The following PRKAR2B variants were observed in gnomAD, a reference collection of about 807,000 sequenced individuals.
PRKAR2B encodes the protein cAMP-dependent protein kinase type II-beta regulatory subunit.
Under a neutral mutation model 49.9 loss-of-function variants are expected in PRKAR2B, and 14 were observed. That is an observed-to-expected ratio of 0.28 (90% CI 0.19 to 0.44). The LOEUF is 0.44. Ranked by LOEUF, PRKAR2B falls within the 20% of genes least tolerant of loss-of-function variation. The pLI is 1.00. For synonymous variants in PRKAR2B, 196 were observed against 197.7 expected, an observed-to-expected ratio of 0.99 and a Z score of 0.07; for missense variants, 393 against 537.9, an observed-to-expected ratio of 0.73 and a Z score of 2.67.
intron 2 of PRKAR2B, among the ~76,000 whole-genome samples, chr7:107,085,160 T>C (rs1308108320): frequency 6.6e-6 from 1 of 152,058 alleles, no homozygotes; most frequent in Non-Finnish European, 1.5e-5. Flanking sequence ...TAAGCAATAA[T>C]GTTAGATGCT....
At chr7:107,093,087 T>C (rs1365127921) in intron 2 of PRKAR2B, among the ~76,000 whole-genome samples, 1 of 152,238 alleles carries the variant, frequency 6.6e-6, no homozygotes, top group Admixed American at 6.5e-5. Context: ...TTTTCTATTA[T>C]ATGTAAATAT....
chr7:107,138,577 C>T (rs1795740570), intron 4 of PRKAR2B, among the ~76,000 whole-genome samples: 2 of 148,344 alleles, frequency 1.3e-5, no homozygotes. Context: ...GAGACAGAGT[C>T]TCACTCTGTT....
chr7:107,146,597 C>A, intron 6 of PRKAR2B, 136 bp downstream of exon 6: 1 of 1,000,468 alleles, frequency 1.0e-6, no homozygotes, highest in Non-Finnish European at 1.4e-6. Context: ...CCACTGAATG[C>A]TGAACTGTAG....
chr7:107,061,598 C>T (rs1173618610), intron 1 of PRKAR2B, among the ~76,000 whole-genome samples: 1 of 152,072 alleles, frequency 6.6e-6, no homozygotes, highest in Non-Finnish European at 1.5e-5. Context: ...GACTTGAACA[C>T]GTCAATAAAG....
chr7:107,099,735 T>C (rs1307634624), intron 2 of PRKAR2B, among the ~76,000 whole-genome samples: 1 of 150,892 alleles, frequency 6.6e-6, no homozygotes, highest in African/African-American at 2.4e-5. Flanking sequence ...GCCTCCTGGG[T>C]TCATGCCATT....
intron 1 of PRKAR2B, among the ~76,000 whole-genome samples, chr7:107,060,804 A>T (rs1459423776): frequency 6.6e-6 from 1 of 151,718 alleles, no homozygotes; most frequent in Non-Finnish European, 1.5e-5. Flanking sequence ...TTTGCTTGTG[A>T]TTTTTTTTGC....
At chr7:107,089,607 C>G (rs1020712285) in intron 2 of PRKAR2B, among the ~76,000 whole-genome samples, 1 of 152,188 alleles carries the variant, frequency 6.6e-6, no homozygotes, top group Non-Finnish European at 1.5e-5. Flanking sequence ...TTGCAGGGTA[C>G]ATGCATCATT....
At chr7:107,118,800 C>T (rs1054029938) in intron 2 of PRKAR2B, among the ~76,000 whole-genome samples, 2 of 152,142 alleles carry the variant, frequency 1.3e-5, no homozygotes, top group African/African-American at 4.8e-5. Context: ...TCAGAAGAAA[C>T]AGTTTAAGTG....
intron 2 of PRKAR2B, among the ~76,000 whole-genome samples, chr7:107,109,899 C>T (rs1467445144): frequency 6.6e-6 from 1 of 152,148 alleles, no homozygotes; most frequent in East Asian, 1.9e-4. Flanking sequence ...CCCCACCCCA[C>T]GGAAGGACAT....
chr7:107,150,816 C>A, intron 6 of PRKAR2B, 106 bp from the exon 7 acceptor site: 1 of 590,212 alleles, frequency 1.7e-6, no homozygotes, highest in Non-Finnish European at 3.0e-6. Flanking sequence ...TGATGTTAAT[C>A]TTTTATTTCA....
chr7:107,089,741 G>T (rs1400918275), intron 2 of PRKAR2B, among the ~76,000 whole-genome samples: 1 of 152,222 alleles, frequency 6.6e-6, no homozygotes, highest in Non-Finnish European at 1.5e-5. Flanking sequence ...TTATTCATTT[G>T]CTCAGCACAA....
Position 107,159,683 on chromosome 7 carries a change from C to T in PRKAR2B, c.*101C>T. 7.5e-7 allele frequency: 1 copy of T among 1,336,766 alleles called. No homozygotes were observed. The highest frequency in any genetic ancestry group is 1.5e-5 in the South Asian group (1 of 67,518). The allele number at this position is 1,336,766 out of a possible 1,614,324, so 82.8% of individuals were successfully genotyped here. A position where few individuals can be genotyped will look rare whatever the true frequency, so the allele number is the denominator to read the frequency against. On this transcript the variant is annotated 3_prime_UTR_variant, in exon 11 of 11. Transcript: ENST00000265717. Reference sequence around the variant, plus strand: ...AGATGCCAAGCATTTTCTGTGATTTCAGGTTTTTTCCTTTTTTTACATTTA... The same window carrying T: ...AGATGCCAAGCATTTTCTGTGATTTTAGGTTTTTTCCTTTTTTTACATTTA...
chr7:107,048,397 G>GTTT (rs142358370), intron 1 of PRKAR2B, among the ~76,000 whole-genome samples: 4 of 151,148 alleles, frequency 2.6e-5, no homozygotes, highest in Admixed American at 2.6e-4. Context: ...AGGTTTTCCT[G>GTTT]TTTTTTTTTC....
At chr7:107,088,417 A>C (rs1289379605) in intron 2 of PRKAR2B, among the ~76,000 whole-genome samples, 1 of 152,134 alleles carries the variant, frequency 6.6e-6, no homozygotes, top group African/African-American at 2.4e-5. Flanking sequence ...AAAGGAGAGC[A>C]TTCCAGGGAA....
chr7:107,068,283 G>C (rs1000980222), intron 1 of PRKAR2B, among the ~76,000 whole-genome samples: 1 of 152,062 alleles, frequency 6.6e-6, no homozygotes, highest in Non-Finnish European at 1.5e-5. Flanking sequence ...GGGGCAGGGG[G>C]GCAGAGAATG....
chr7:107,127,664 G>A (rs1173792631), intron 3 of PRKAR2B, among the ~76,000 whole-genome samples: 1 of 152,268 alleles, frequency 6.6e-6, no homozygotes, highest in African/African-American at 2.4e-5. Flanking sequence ...CTTGCTCGCT[G>A]TGGGGCAGGT....
intron 1 of PRKAR2B, among the ~76,000 whole-genome samples, chr7:107,057,903 A>G (rs1374896779): frequency 6.6e-6 from 1 of 152,214 alleles, no homozygotes; most frequent in Non-Finnish European, 1.5e-5. Flanking sequence ...GTATAGTAAT[A>G]GTACTTTTAA....
At chr7:107,128,185 T>C in intron 3 of PRKAR2B, 27 bp from the exon 4 acceptor site, 1 of 1,486,876 alleles carries the variant, frequency 6.7e-7, no homozygotes, top group Non-Finnish European at 9.4e-7. Context: ...CTAATGTCTT[T>C]GTTTTTTAAA....
intron 2 of PRKAR2B, among the ~76,000 whole-genome samples, chr7:107,084,488 T>C (rs1316629836): frequency 5.3e-5 from 8 of 152,258 alleles, no homozygotes; most frequent in African/African-American, 7.2e-5. Context: ...AGGAAACTTA[T>C]ACATTTTTGG....
Sources: allele counts gnomAD v4.1 joint callset (sites outside exome capture counted in the v4.1 genomes callset), GRCh38; gene constraint gnomAD v4.1.1; transcripts MANE v1.5; gene names NCBI Gene and HGNC (gene_info 2026-07-23, HGNC 2026-07-21).